The following ZFHX3 variants were observed in gnomAD, a reference collection of about 807,000 sequenced individuals.
ZFHX3 encodes the protein zinc finger homeobox protein 3.
Under a neutral mutation model 279.1 loss-of-function variants are expected in ZFHX3, and 42 were observed. The ratio of observed to expected loss-of-function variants is 0.15; its 90% CI spans 0.12 to 0.19. The LOEUF (loss-of-function observed/expected upper bound fraction) is 0.19, where lower values mean the gene tolerates loss of function less well. ZFHX3 is among the 10% of genes least tolerant of loss of function. The pLI is 1.00. For missense variants in ZFHX3, 4,981 were observed against 4,754.0 expected, an observed-to-expected ratio of 1.05 and a Z score of -1.40; for synonymous variants, 2,293 against 1,957.8, an observed-to-expected ratio of 1.17 and a Z score of -4.52.
Position 72,795,354 on chromosome 16 carries a change from G to A in ZFHX3, c.7328C>T (p.Thr2443Ile), listed in dbSNP as rs759261584. 1.4e-5 allele frequency: 22 copies of A among 1,613,958 alleles called. No individual in the cohort carries two copies. Among genetic ancestry groups the A allele is most frequent in the South Asian group, 2.2e-5 (2 of 91,082 alleles). ...CTTTGGTTGTCCTTGCTTTTCTTGG[G>A]TTTGGTTTGGCTGTGCACTGGGAGC... ...AEAPSAQPNQ[T>I]QEKQGQPKPE... The change falls in exon 9 of 10, where the codon ACC (threonine) becomes ATC (isoleucine). Residue 2443 changes from threonine to isoleucine, a missense_variant. By Grantham distance (89) the Thr-to-Ile change is moderately conservative. Around this residue, in one of 7 missense-constraint regions of ZFHX3, gnomAD observed 744 missense variants for 701.3 expected, o/e 1.06. Transcript: ENST00000268489.
At chr16:73,489,158 G>C (rs915396674) in intron 2 of ZFHX3, among the ~76,000 whole-genome samples, 1 of 152,126 alleles carries the variant, frequency 6.6e-6, no homozygotes, top group South Asian at 2.1e-4. Flanking sequence ...ATATTAATTA[G>C]GGAAAATGCC....
intron 5 of ZFHX3, among the ~76,000 whole-genome samples, chr16:73,172,234 C>A (rs1030533369): frequency 6.6e-6 from 1 of 152,238 alleles, no homozygotes; most frequent in Non-Finnish European, 1.5e-5. Context: ...CCCCGGGGTG[C>A]AGGGGCGAGG....
intron 2 of ZFHX3, among the ~76,000 whole-genome samples, chr16:73,473,052 T>C (rs554817993): frequency 6.6e-6 from 1 of 151,520 alleles, no homozygotes; most frequent in African/African-American, 2.4e-5. Context: ...GTATCAGGTA[T>C]AAGATGGGCT....
chr16:73,170,500 G>A (rs893900381), intron 5 of ZFHX3, among the ~76,000 whole-genome samples: 28 of 152,048 alleles, frequency 1.8e-4, no homozygotes, highest in Admixed American at 1.8e-3. Flanking sequence ...AAAGTGCTGG[G>A]ATTACAGGAG....
chr16:73,142,659 C>T (rs896463024), intron 6 of ZFHX3, among the ~76,000 whole-genome samples: 6 of 152,170 alleles, frequency 3.9e-5, no homozygotes, highest in African/African-American at 1.2e-4. Context: ...AAGTCAATGC[C>T]GCAGGCGCTG....
At chr16:73,794,510 A>G (rs1597118743) in intron 1 of ZFHX3, among the ~76,000 whole-genome samples, 1 of 152,208 alleles carries the variant, frequency 6.6e-6, no homozygotes, top group East Asian at 1.9e-4. Flanking sequence ...TTTAGGTTGC[A>G]TGGTCCTTTA....
At chr16:73,560,125 T>C (rs2143787370) in intron 2 of ZFHX3, among the ~76,000 whole-genome samples, 1 of 152,342 alleles carries the variant, frequency 6.6e-6, no homozygotes, top group East Asian at 1.9e-4. Flanking sequence ...TTTGCTTTCA[T>C]TGTTTTCCAT....
intron 5 of ZFHX3, among the ~76,000 whole-genome samples, chr16:73,209,395 G>A (rs1412442617): frequency 2.6e-5 from 4 of 152,102 alleles, no homozygotes; most frequent in Non-Finnish European, 5.9e-5. Flanking sequence ...CAAGGTCAAG[G>A]CGCCTGCAGG....
At chr16:73,314,333 T>A (rs2015396249) in intron 4 of ZFHX3, among the ~76,000 whole-genome samples, 1 of 152,230 alleles carries the variant, frequency 6.6e-6, no homozygotes, top group African/African-American at 2.4e-5. Context: ...TCACTCCTTG[T>A]GAACCAGTTC....
chr16:73,076,753 A>G (rs995928508), intron 8 of ZFHX3, among the ~76,000 whole-genome samples: 3 of 152,158 alleles, frequency 2.0e-5, no homozygotes, highest in Non-Finnish European at 2.9e-5. Context: ...TTGGTGACAG[A>G]GAAGCCTGAG....
chr16:73,441,061 T>C (rs963174088), intron 3 of ZFHX3, among the ~76,000 whole-genome samples: 8 of 152,190 alleles, frequency 5.3e-5, no homozygotes, highest in Admixed American at 1.3e-4. Context: ...AACACGTTCA[T>C]TTTCCAGGTT....
In ZFHX3 at chr16:72,959,596, G is replaced by T; in HGVS notation, c.550C>A (p.Pro184Thr). 4 of 1,614,154 alleles carry T rather than the reference G, an allele frequency of 2.5e-6. No individual in the cohort carries two copies. The highest frequency in any genetic ancestry group is 2.5e-6 in the Non-Finnish European group (3 of 1,180,028). The stretch of plus-strand genomic sequence containing the variant: ...GGGTACACGGGTGCAGCACACGAAG[G>T]GTCCCCTTGCTTGCCCCCCGCGCCA... ...LPGAGGKQGDPSCAAPVYPQI... is the reference protein window; with the variant it reads ...LPGAGGKQGDTSCAAPVYPQI... The change falls in exon 2 of 10, where the codon CCT becomes ACT. Residue 184 changes from proline (P) to threonine (T), a missense_variant. Physicochemically the swap from Pro to Thr is conservative, Grantham distance 38 (BLOSUM62 -1). Coordinates refer to ENST00000268489, the MANE Select transcript of ZFHX3 (RefSeq NM_006885.4).
At chr16:73,486,520 G>T (rs1462911587) in intron 2 of ZFHX3, among the ~76,000 whole-genome samples, 1 of 152,198 alleles carries the variant, frequency 6.6e-6, no homozygotes, top group Non-Finnish European at 1.5e-5. Flanking sequence ...CTTGATAACA[G>T]GTCTCTAACA....
intron 3 of ZFHX3, among the ~76,000 whole-genome samples, chr16:73,426,536 G>A (rs909835214): frequency 6.6e-6 from 1 of 152,082 alleles, no homozygotes; most frequent in African/African-American, 2.4e-5. Flanking sequence ...TCTGTAGCCA[G>A]AGTACCCAAG....
At chr16:73,535,911 A>G (rs1032942211) in intron 2 of ZFHX3, among the ~76,000 whole-genome samples, 6 of 151,636 alleles carry the variant, frequency 4.0e-5, no homozygotes, top group Non-Finnish European at 4.4e-5. Context: ...TTTAGTAGAG[A>G]CGGGGTTTCA....
At chr16:73,102,797 C>T (rs1341380859) in intron 7 of ZFHX3, among the ~76,000 whole-genome samples, 1 of 152,150 alleles carries the variant, frequency 6.6e-6, no homozygotes, top group Non-Finnish European at 1.5e-5. Flanking sequence ...AATAATAGTA[C>T]CTCTCTTACA....
At chr16:72,856,996 T>C (rs1229489108) in intron 4 of ZFHX3, among the ~76,000 whole-genome samples, 1 of 152,234 alleles carries the variant, frequency 6.6e-6, no homozygotes, top group Non-Finnish European at 1.5e-5. Context: ...CCGCAGGTGA[T>C]GCTTCAGATC....
intron 1 of ZFHX3, among the ~76,000 whole-genome samples, chr16:73,804,467 G>C (rs752957594): frequency 6.6e-6 from 1 of 152,186 alleles, no homozygotes; most frequent in Non-Finnish European, 1.5e-5. Flanking sequence ...TGAGCATTAA[G>C]CAGTCAGAAA....
chr16:73,626,115 C>G (rs990079229), intron 2 of ZFHX3, among the ~76,000 whole-genome samples: 4 of 152,168 alleles, frequency 2.6e-5, no homozygotes, highest in African/African-American at 9.7e-5. Flanking sequence ...CTCGGCCTCC[C>G]AAAGTGCTGG....
Sources: gnomAD v4.1 joint callset for allele counts (sites outside exome capture counted in the v4.1 genomes callset) on GRCh38, gnomAD v4.1.1 for gene constraint, gnomAD v4.1.1 regional missense constraint, MANE v1.5 for transcripts, NCBI Gene and HGNC (gene_info 2026-07-23, HGNC 2026-07-21) for gene names.